The following SERPINB10 variants were observed in gnomAD, a reference collection of about 807,000 sequenced individuals.
SERPINB10 encodes the protein serpin B10.
SERPINB10 carries 35 observed loss-of-function variants against 39.1 expected under a neutral mutation model. That is an observed-to-expected ratio of 0.90 (90% CI 0.68 to 1.19). The LOEUF (loss-of-function observed/expected upper bound fraction) is 1.19, where lower values mean the gene tolerates loss of function less well. Ranked by LOEUF, SERPINB10 falls within the 50% of genes most tolerant of loss-of-function variation. The probability of loss-of-function intolerance (pLI) is 0.00; values close to 1 mark genes in which losing one functional copy is unlikely to be tolerated. For missense variants in SERPINB10, 546 were observed against 460.5 expected, an observed-to-expected ratio of 1.19 and a Z score of -1.70; for synonymous variants, 190 against 158.1, an observed-to-expected ratio of 1.20 and a Z score of -1.52.
In SERPINB10 at chr18:63,930,170, C is replaced by T. The variant is rs763557075; in HGVS notation, c.616C>T (p.Pro206Ser). Residue 206 changes from proline (P) to serine (S), a missense_variant, in exon 6 of 8, where the codon CCT becomes TCT. Transcript: ENST00000238508. ...CTTAGTGCAAAACACCACAGAAAAG[C>T]CTTTTAGAATAAACGAGGTAGGAAA... ...QFLVQNTTEK[P>S]FRINETTSKP... 3.1e-6 allele frequency: 5 copies of T among 1,612,976 alleles called. No homozygotes were observed. In the South Asian group the frequency reaches 5.5e-5, roughly 18 times the overall value.
intron 1 of SERPINB10, among the ~76,000 whole-genome samples, chr18:63,914,284 G>A (rs1262856050): frequency 1.3e-5 from 2 of 152,050 alleles, no homozygotes; most frequent in African/African-American, 4.8e-5. Context: ...ATATTGATAT[G>A]TGAGGTGTTG....
chr18:63,923,125 C>T (rs2042729), intron 5 of SERPINB10, among the ~76,000 whole-genome samples: 14,276 of 151,874 alleles, frequency 0.094, 1,548 homozygotes, highest in African/African-American at 0.24. Flanking sequence ...GGACACAGTT[C>T]GAATCTTTTA....
chr18:63,920,036 T>A, intron 5 of SERPINB10, 131 bp downstream of exon 5: 1 of 491,518 alleles, frequency 2.0e-6, no homozygotes, highest in Non-Finnish European at 3.6e-6. Context: ...ATTCAGAACA[T>A]TTATTTCTAT....
At chr18:63,926,311 C>A (rs1254142639) in intron 5 of SERPINB10, among the ~76,000 whole-genome samples, 1 of 151,970 alleles carries the variant, frequency 6.6e-6, no homozygotes, top group Non-Finnish European at 1.5e-5. Flanking sequence ...CTTCTCATGG[C>A]ACTCTCCTCT....
chr18:63,928,072 T>C (rs1406363216), intron 5 of SERPINB10, among the ~76,000 whole-genome samples: 2 of 144,994 alleles, frequency 1.4e-5, no homozygotes, highest in Non-Finnish European at 3.0e-5. Context: ...CATGTTTAAT[T>C]TTTTTTTTCA....
chr18:63,924,279 A>G (rs773867614), intron 5 of SERPINB10, among the ~76,000 whole-genome samples: 1 of 151,936 alleles, frequency 6.6e-6, no homozygotes, highest in Non-Finnish European at 1.5e-5. Context: ...TGGGCATGGG[A>G]AGCTTCCAGT....
chr18:63,929,003 T>C (rs2050200280), intron 5 of SERPINB10, among the ~76,000 whole-genome samples: 1 of 149,158 alleles, frequency 6.7e-6, no homozygotes, highest in East Asian at 1.9e-4. Flanking sequence ...GAAACCCAGC[T>C]AAACCTGCTT....
At chr18:63,916,552 A>G (rs1255363231) in intron 2 of SERPINB10, among the ~76,000 whole-genome samples, 6 of 152,032 alleles carry the variant, frequency 3.9e-5, no homozygotes, top group African/African-American at 9.7e-5. Context: ...AGTTCACAAG[A>G]TATCAGGTGG....
rs780479813 is a variant in SERPINB10, at chr18:63,919,773, A to G, written c.373-15A>G. On this transcript the variant is annotated splice_polypyrimidine_tract_variant and intron_variant, in intron 4 of 7. Transcript: ENST00000238508. Reference sequence around the variant, plus strand: ...ACAAACTCTACAAAAGGGGATTTTTATCTATGTCTTTCAGAAATATTTAGA... The same window carrying G: ...ACAAACTCTACAAAAGGGGATTTTTGTCTATGTCTTTCAGAAATATTTAGA... The G allele has an allele frequency of 6.6e-7, 1 of 1,511,438 alleles. No individual in the cohort carries two copies. The highest frequency in any genetic ancestry group is 9.1e-7 in the Non-Finnish European group (1 of 1,103,492). The allele number at this position is 1,511,438 out of a possible 1,614,324, so 93.6% of individuals were successfully genotyped here. A position where few individuals can be genotyped will look rare whatever the true frequency, so the allele number is the denominator to read the frequency against.
intron 5 of SERPINB10, among the ~76,000 whole-genome samples, chr18:63,929,666 C>A (rs1599091170): frequency 8.3e-6 from 1 of 120,946 alleles, no homozygotes; most frequent in African/African-American, 3.0e-5. Context: ...AGTTGTTAGT[C>A]AAGTAGTTGT....
chr18:63,918,163 G>C (rs577080628), intron 4 of SERPINB10, 61 bp downstream of exon 4: 6 of 1,544,390 alleles, frequency 3.9e-6, no homozygotes, highest in East Asian at 2.3e-5. Flanking sequence ...AGACCAATCA[G>C]TAAACTCTGT....
chr18:63,924,353 C>T lies in SERPINB10; in HGVS notation c.490+4448C>T, dbSNP rs186308013. Among the ~76,000 whole-genome samples the T allele has an allele frequency of 7.9e-5, 12 of 152,032 alleles. No homozygotes were observed. In the East Asian group the frequency reaches 2.3e-3, roughly 30 times the overall value. On this transcript the variant is annotated intron_variant, in intron 5 of 7. Transcript: ENST00000238508. ...TAACTCCACTGTGACATACGGTGTCCTCACTCATTACTCTAGACAGTAAGC... is the reference window on the plus strand; with the variant it reads ...TAACTCCACTGTGACATACGGTGTCTTCACTCATTACTCTAGACAGTAAGC...
At chr18:63,929,713 A>C (rs1445263770) in intron 5 of SERPINB10, among the ~76,000 whole-genome samples, 1 of 49,686 alleles carries the variant, frequency 2.0e-5, no homozygotes, top group Non-Finnish European at 3.2e-5. Context: ...GCTAAAGTGC[A>C]AAAAAAAAAA....
At chr18:63,916,168 A>G (rs185960944) in intron 2 of SERPINB10, among the ~76,000 whole-genome samples, 1 of 152,088 alleles carries the variant, frequency 6.6e-6, no homozygotes, top group African/African-American at 2.4e-5. Flanking sequence ...GATCATTACA[A>G]TAACAATATA....
chr18:63,931,814 T>C (rs1334243731), intron 6 of SERPINB10, among the ~76,000 whole-genome samples: 1 of 152,204 alleles, frequency 6.6e-6, no homozygotes, highest in Non-Finnish European at 1.5e-5. Flanking sequence ...GATGTCGTAC[T>C]GTTCTATGGA....
At chr18:63,929,910 C>A in intron 5 of SERPINB10, 135 bp from the exon 6 acceptor site, 2 of 833,196 alleles carry the variant, frequency 2.4e-6, no homozygotes, top group Non-Finnish European at 3.7e-6. Context: ...AGTACTTGTC[C>A]ATTTCCAGAA....
At chr18:63,915,055 A>G (rs1226665777) in intron 1 of SERPINB10, among the ~76,000 whole-genome samples, 1 of 152,120 alleles carries the variant, frequency 6.6e-6, no homozygotes, top group African/African-American at 2.4e-5. Flanking sequence ...TGAGTAATAA[A>G]TATTTACAAG....
chr18:63,919,002 A>G (rs2050125733), intron 4 of SERPINB10, among the ~76,000 whole-genome samples: 1 of 152,028 alleles, frequency 6.6e-6, no homozygotes, highest in Non-Finnish European at 1.5e-5. Flanking sequence ...TTTAAATTCC[A>G]CAGAATTTAG....
chr18:63,918,688 C>A (rs547349229), intron 4 of SERPINB10, among the ~76,000 whole-genome samples: 32 of 152,046 alleles, frequency 2.1e-4, no homozygotes, highest in African/African-American at 6.7e-4. Context: ...AATAAAGCTA[C>A]CTTGTGATTT....
Sources: gnomAD v4.1 joint callset for allele counts (sites outside exome capture counted in the v4.1 genomes callset) on GRCh38, gnomAD v4.1.1 for gene constraint, MANE v1.5 for transcripts, NCBI Gene and HGNC (gene_info 2026-07-23, HGNC 2026-07-21) for gene names.